Variants in ATP8B4 observed in about 807,000 individuals in gnomAD.
The protein encoded by ATP8B4 is ATPase phospholipid transporting 8B4 (putative), also known as probable phospholipid-transporting ATPase IM.
Under a neutral mutation model 145.6 loss-of-function variants are expected in ATP8B4, and 133 were observed. That is an observed-to-expected ratio of 0.91 (90% CI 0.79 to 1.05). The LOEUF (loss-of-function observed/expected upper bound fraction) is 1.05. ATP8B4 is among the 50% of genes least tolerant of loss of function. The probability of loss-of-function intolerance (pLI) is 0.00; values close to 1 mark genes in which losing one functional copy is unlikely to be tolerated. For synonymous variants in ATP8B4, 507 were observed against 492.9 expected (o/e 1.03, Z -0.38); for missense variants, 1,458 against 1,425.2 (o/e 1.02, Z -0.37).
intron 23 of ATP8B4, among the ~76,000 whole-genome samples, chr15:49,890,688 A>G (rs1229187454): frequency 6.6e-6 from 1 of 152,222 alleles, no homozygotes; most frequent in Non-Finnish European, 1.5e-5. Flanking sequence ...TATTGTCCTT[A>G]GAAAAACAGG....
chr15:49,962,747 T>A (rs1390560588), intron 13 of ATP8B4, among the ~76,000 whole-genome samples: 1 of 152,222 alleles, frequency 6.6e-6, no homozygotes, highest in African/African-American at 2.4e-5. Flanking sequence ...TTTTTAACCA[T>A]GTAAAGTATG....
At chr15:49,867,743 T>TAAC (rs1210685929) in intron 25 of ATP8B4, among the ~76,000 whole-genome samples, 1 of 152,060 alleles carries the variant, frequency 6.6e-6, no homozygotes, top group African/African-American at 2.4e-5. Flanking sequence ...ACAAGCACGA[T>TAAC]AACAACAACA....
At chr15:49,969,176 A>G (rs1011549530) in intron 13 of ATP8B4, among the ~76,000 whole-genome samples, 1 of 152,260 alleles carries the variant, frequency 6.6e-6, no homozygotes, top group African/African-American at 2.4e-5. Flanking sequence ...AAAGATGGAA[A>G]GATCTAAAAT....
At chr15:50,047,552 G>T in intron 3 of ATP8B4, 88 bp from the exon 4 acceptor site, 2 of 829,338 alleles carry the variant, frequency 2.4e-6, no homozygotes, top group Non-Finnish European at 4.0e-6. Flanking sequence ...CTGAGCCAGA[G>T]TAAGAAAGAT....
chr15:50,004,859 A>T (rs1325963198), intron 7 of ATP8B4, among the ~76,000 whole-genome samples: 1 of 152,162 alleles, frequency 6.6e-6, no homozygotes, highest in African/African-American at 2.4e-5. Flanking sequence ...TAGTTTAATA[A>T]AGGCAGAATA....
At chr15:50,002,301 G>T in intron 7 of ATP8B4, 78 bp from the exon 8 acceptor site, 3 of 1,137,054 alleles carry the variant, frequency 2.6e-6, no homozygotes, top group Non-Finnish European at 3.8e-6. Context: ...ATCACCTCTT[G>T]ACTACTAAAG....
In ATP8B4 at chr15:49,866,431, C is replaced by G. The variant is rs1381423073; in HGVS notation, c.3081G>C (p.Gly1027=). ...AAATGGAGAAATAAATGGCAATGCT[C>G]CCCCAGATGAAGACGTGATTAATGA... ...WTFINHVFIW[G]SIAIYFSILF... is the part of the protein sequence containing the mutation. The change falls in exon 26 of 28, where the codon GGG becomes GGC. Residue 1027 remains glycine (G), a synonymous_variant. Transcript: ENST00000284509. 6 of 1,613,370 alleles carry G rather than the reference C, an allele frequency of 3.7e-6. No homozygotes were observed. Among genetic ancestry groups the G allele is most frequent in the African/African-American group, 1.3e-5 (1 of 74,918 alleles).
intron 3 of ATP8B4, among the ~76,000 whole-genome samples, chr15:50,048,479 A>G (rs1390451898): frequency 1.3e-5 from 2 of 152,042 alleles, no homozygotes; most frequent in Admixed American, 1.3e-4. Flanking sequence ...AGGCAGAGGT[A>G]GGTGGATCAC....
chr15:49,923,544 C>G lies in ATP8B4; in HGVS notation c.1643-50G>C. ...GCAGAATATAATCAACGTCATACAT[C>G]AAAATTAGATTCTCCCAGAGCTCCA... On this transcript the variant is annotated intron_variant, in intron 16 of 27. Coordinates refer to ENST00000284509, the MANE Select transcript of ATP8B4 (RefSeq NM_024837.4). The G allele has an allele frequency of 3.1e-6, 4 of 1,291,124 alleles. No homozygotes were observed. In the South Asian group the frequency reaches 5.2e-5, roughly 17 times the overall value. 80.0% of individuals were successfully genotyped at this position (1,291,124 alleles called of 1,614,324 possible). A position where few individuals can be genotyped will look rare whatever the true frequency, so the allele number is the denominator to read the frequency against.
At chr15:50,153,071 G>T (rs527904247) in intron 1 of ATP8B4, among the ~76,000 whole-genome samples, 3 of 152,244 alleles carry the variant, frequency 2.0e-5, no homozygotes, top group African/African-American at 4.8e-5. Flanking sequence ...ATAAGAAAAT[G>T]GTATATTGAG....
intron 25 of ATP8B4, among the ~76,000 whole-genome samples, chr15:49,870,479 T>A (rs1300504221): frequency 1.3e-5 from 2 of 152,136 alleles, no homozygotes; most frequent in Non-Finnish European, 2.9e-5. Flanking sequence ...AAAAAAACAA[T>A]AGAGACTACT....
At chr15:50,017,326 TGA>T (rs1404669122) in intron 6 of ATP8B4, among the ~76,000 whole-genome samples, 2 of 152,226 alleles carry the variant, frequency 1.3e-5, no homozygotes, top group Non-Finnish European at 2.9e-5. Flanking sequence ...TCACTGTTTC[TGA>T]AATCTTTCTT....
At position 50,143,362 on chromosome 15, in the gene ATP8B4, C is replaced by T. The variant is rs115454864; in HGVS notation, c.-42-36354G>A. ...TGGAGGAATCATTTTCTGAATGGCT[C>T]ACTCACATGGTGGGCACATTGGTGC... On this transcript the variant is annotated intron_variant, in intron 1 of 3. Coordinates refer to the ATP8B4 transcript ENST00000558829. 7.3e-3 allele frequency among the ~76,000 whole-genome samples: 1,109 copies of T among 152,314 alleles called. 10 individuals carry two copies. The highest frequency in any genetic ancestry group is 0.026 in the African/African-American group (1,074 of 41,568).
In ATP8B4 at chr15:49,901,077, C is replaced by T; in HGVS notation, c.2289+15G>A. On this transcript the variant is annotated intron_variant, in intron 21 of 27. Coordinates refer to ENST00000284509, the MANE Select transcript of ATP8B4 (RefSeq NM_024837.4). ...GTGAAGAAAAAGAAAGGACAAAAAC[C>T]TTAGGCAAACTCACCAAACTGTGGC... 1 of 1,609,176 alleles carries T rather than the reference C, an allele frequency of 6.2e-7. No individual in the cohort carries two copies. The highest frequency in any genetic ancestry group is 1.1e-5 in the South Asian group (1 of 90,434).
At chr15:50,009,908 T>C (rs981864901) in intron 7 of ATP8B4, among the ~76,000 whole-genome samples, 2 of 152,190 alleles carry the variant, frequency 1.3e-5, no homozygotes, top group Non-Finnish European at 2.9e-5. Flanking sequence ...GTGTGAACTC[T>C]TTTGTGAATG....
At chr15:50,038,054 G>T (rs1184688087) in intron 6 of ATP8B4, among the ~76,000 whole-genome samples, 1 of 151,982 alleles carries the variant, frequency 6.6e-6, no homozygotes, top group African/African-American at 2.4e-5. Flanking sequence ...CTGACTGCCA[G>T]ATTTAAGTAC....
chr15:49,960,563 G>A (rs1446938646), intron 14 of ATP8B4, among the ~76,000 whole-genome samples: 1 of 152,058 alleles, frequency 6.6e-6, no homozygotes, highest in African/African-American at 2.4e-5. Context: ...ATGAATCTAA[G>A]ATTTAAATGT....
At position 49,947,010 on chromosome 15, in the gene ATP8B4, G is replaced by A. The variant is rs998434071; in HGVS notation, c.1288-12828C>T. ...AGGTAAAAGAAATATCCCCTGAAAG[G>A]CACACTGTAAACATCTATGTCCAGC... On this transcript the variant is annotated intron_variant, in intron 14 of 27. Coordinates refer to ENST00000284509, the MANE Select transcript of ATP8B4 (RefSeq NM_024837.4). 4.6e-5 allele frequency among the ~76,000 whole-genome samples: 7 copies of A among 152,164 alleles called. No homozygotes were observed. In the South Asian group the frequency reaches 1.4e-3, roughly 32 times the overall value.
At chr15:49,863,517 A>C (rs1444628100) in intron 26 of ATP8B4, among the ~76,000 whole-genome samples, 2 of 152,002 alleles carry the variant, frequency 1.3e-5, no homozygotes, top group East Asian at 3.9e-4. Flanking sequence ...TTATCATCAT[A>C]CCCCCAGTTA....
Sources: gnomAD v4.1 joint callset for allele counts (sites outside exome capture counted in the v4.1 genomes callset) on GRCh38, gnomAD v4.1.1 for gene constraint, MANE v1.5 for transcripts, NCBI Gene and HGNC (gene_info 2026-07-23, HGNC 2026-07-21) for gene names.